PRDM16: variants seen among roughly 807,000 people sequenced by gnomAD.
PRDM16 encodes histone-lysine N-methyltransferase PRDM16.
In PRDM16, 23 loss-of-function variants were observed where a neutral mutation model predicts 110.6. The ratio of observed to expected loss-of-function variants is 0.21; its 90% CI spans 0.15 to 0.29. PRDM16 has a LOEUF of 0.29. Ranked by LOEUF, PRDM16 falls within the 10% of genes least tolerant of loss-of-function variation. The probability of loss-of-function intolerance (pLI) is 1.00; values close to 1 mark genes in which losing one functional copy is unlikely to be tolerated. For missense variants in PRDM16, 1,615 were observed against 1,794.3 expected (o/e 0.90, Z 1.81); for synonymous variants, 799 against 781.8 (o/e 1.02, Z -0.37).
At chr1:3,123,930 G>A (rs1310542871) in intron 1 of PRDM16, among the ~76,000 whole-genome samples, 4 of 152,344 alleles carry the variant, frequency 2.6e-5, no homozygotes, top group Admixed American at 6.5e-5. Context: ...ACCTGGGCTC[G>A]GGTGGGGCAG....
intron 1 of PRDM16, among the ~76,000 whole-genome samples, chr1:3,166,080 C>G (rs958088215): frequency 3.9e-5 from 6 of 152,250 alleles, no homozygotes; most frequent in Middle Eastern, 3.2e-3. Flanking sequence ...AGCCCCTGGT[C>G]TTTCCTGTTC....
chr1:3,363,430 T>C (rs1443359090), intron 3 of PRDM16, among the ~76,000 whole-genome samples: 1 of 152,136 alleles, frequency 6.6e-6, no homozygotes, highest in Admixed American at 6.5e-5. Context: ...TGCTGGTCCC[T>C]GGATGCTCGG....
intron 3 of PRDM16, among the ~76,000 whole-genome samples, chr1:3,272,626 G>C (rs992969424): frequency 5.3e-5 from 8 of 152,214 alleles, no homozygotes; most frequent in Non-Finnish European, 1.2e-4. Context: ...GCAGGTCCCC[G>C]GGTAACCTGT....
intron 3 of PRDM16, among the ~76,000 whole-genome samples, chr1:3,323,864 AC>A (rs1190024119): frequency 6.6e-6 from 1 of 151,762 alleles, no homozygotes. Context: ...CAGCTTAGAG[AC>A]CCCCCAGGGG....
intron 3 of PRDM16, among the ~76,000 whole-genome samples, chr1:3,341,632 G>T (rs542268166): frequency 1.3e-5 from 2 of 152,224 alleles, no homozygotes; most frequent in African/African-American, 2.4e-5. Context: ...TTGGCTTTAC[G>T]ACGGTGGAGA....
intron 1 of PRDM16, among the ~76,000 whole-genome samples, chr1:3,124,489 C>G (rs561639071): frequency 1.3e-5 from 2 of 152,322 alleles, no homozygotes; most frequent in South Asian, 4.1e-4. Flanking sequence ...GAGGTGACAG[C>G]CCCAGCTTGG....
intron 2 of PRDM16, among the ~76,000 whole-genome samples, chr1:3,188,453 C>G (rs1569805051): frequency 6.6e-6 from 1 of 152,338 alleles, no homozygotes; most frequent in African/African-American, 2.4e-5. Context: ...CCTGCCGGTG[C>G]CTGTTGACTT....
At chr1:3,304,624 C>G (rs1050543142) in intron 3 of PRDM16, among the ~76,000 whole-genome samples, 1 of 152,170 alleles carries the variant, frequency 6.6e-6, no homozygotes, top group Admixed American at 6.5e-5. Flanking sequence ...GAGTGCATTG[C>G]TTTATGTCCC....
intron 3 of PRDM16, among the ~76,000 whole-genome samples, chr1:3,354,216 T>C (rs1186950850): frequency 6.6e-6 from 1 of 152,118 alleles, no homozygotes; most frequent in Non-Finnish European, 1.5e-5. Flanking sequence ...TCCTAGCACT[T>C]TGGCAGGCCG....
intron 3 of PRDM16, among the ~76,000 whole-genome samples, chr1:3,338,617 C>G (rs1311194614): frequency 6.6e-6 from 1 of 152,188 alleles, no homozygotes; most frequent in Admixed American, 6.5e-5. Context: ...TCAGCCCCTC[C>G]ACCTCCGGCC....
At position 3,358,899 on chromosome 1, in the gene PRDM16, G is replaced by A. The variant is rs1457608068; in HGVS notation, c.439-26253G>A. On this transcript the variant is annotated intron_variant, in intron 3 of 16. Transcript: ENST00000270722. This position sits in a 1 kb window ranked among gnomAD's most constrained non-coding sequence, Gnocchi z 4.0. ...CTTGGGCCGCAGAGGAGGTGGGGAA[G>A]CCGTGAAGATGTTCTCCATGGCCGG... Among the ~76,000 whole-genome samples the A allele has an allele frequency of 2.0e-5, 3 of 152,322 alleles. No individual in the cohort carries two copies. In the East Asian group the frequency reaches 5.8e-4, roughly 29 times the overall value.
At chr1:3,211,752 G>T (rs1184933605) in intron 2 of PRDM16, among the ~76,000 whole-genome samples, 1 of 152,228 alleles carries the variant, frequency 6.6e-6, no homozygotes, top group Non-Finnish European at 1.5e-5. Context: ...GAATAAATGT[G>T]CACGGAACAG....
At chr1:3,135,279 G>C (rs1401601775) in intron 1 of PRDM16, among the ~76,000 whole-genome samples, 2 of 152,182 alleles carry the variant, frequency 1.3e-5, no homozygotes, top group Non-Finnish European at 2.9e-5. Context: ...AGGGTAGGGG[G>C]CCTCAGGGAG....
At position 3,437,504 on chromosome 1, in the gene PRDM16, G is replaced by T. The variant is rs1167765646; in HGVS notation, c.*3693G>T. The T allele has an allele frequency of 2.2e-5, 5 of 229,750 alleles. No homozygotes were observed. In the Admixed American group the frequency reaches 2.3e-4, roughly 10 times the overall value. The allele number at this position is 229,750 out of a possible 1,614,324, so 14.2% of individuals were successfully genotyped here. ...GGGAGGGAGAGCAGAGCTCGCCCCT[G>T]CACTGCAGCCTTGTGGGGGAGGGCA... On this transcript the variant is annotated 3_prime_UTR_variant, in exon 17 of 17. Coordinates refer to ENST00000270722, the MANE Select transcript of PRDM16 (RefSeq NM_022114.4).
intron 3 of PRDM16, among the ~76,000 whole-genome samples, chr1:3,354,816 G>T (rs902393302): frequency 1.3e-5 from 2 of 152,298 alleles, no homozygotes; most frequent in Admixed American, 1.3e-4. Flanking sequence ...GACAGGAGGG[G>T]ACATTTCGAT....
chr1:3,227,540 C>T (rs1164962067), intron 2 of PRDM16, among the ~76,000 whole-genome samples: 1 of 152,248 alleles, frequency 6.6e-6, no homozygotes, highest in Admixed American at 6.5e-5. Context: ...CAGCGTGGGG[C>T]CGCAGCTGCG....
intron 1 of PRDM16, among the ~76,000 whole-genome samples, chr1:3,159,017 C>A (rs1261783837): frequency 6.6e-6 from 1 of 152,202 alleles, no homozygotes; most frequent in African/African-American, 2.4e-5. Context: ...GGTGATCCAC[C>A]CGCCTTGGCC....
chr1:3,346,335 G>T (rs975461367), intron 3 of PRDM16, among the ~76,000 whole-genome samples: 3 of 152,148 alleles, frequency 2.0e-5, no homozygotes, highest in African/African-American at 4.8e-5. Context: ...GGGGCTTCCA[G>T]TGGAGGAGCC....
At chr1:3,185,450 G>A (rs1644256348) in intron 1 of PRDM16, among the ~76,000 whole-genome samples, 1 of 152,112 alleles carries the variant, frequency 6.6e-6, no homozygotes, top group Non-Finnish European at 1.5e-5. Flanking sequence ...CCAGGCTGTG[G>A]CCTAAGTGCA....
Sources: gnomAD v4.1 joint callset for allele counts (sites outside exome capture counted in the v4.1 genomes callset) on GRCh38, gnomAD v4.1.1 for gene constraint, Gnocchi (gnomAD v3.1) non-coding constraint, MANE v1.5 for transcripts, NCBI Gene and HGNC (gene_info 2026-07-23, HGNC 2026-07-21) for gene names.